Variants in VGLL4 observed in about 807,000 individuals in gnomAD.
The protein encoded by VGLL4 is transcription cofactor vestigial-like protein 4.
Under a neutral mutation model 21.0 loss-of-function variants are expected in VGLL4, and 7 were observed. The ratio of observed to expected loss-of-function variants is 0.33; its 90% confidence interval spans 0.19 to 0.63. VGLL4 has a LOEUF of 0.63. VGLL4 is among the 20% of genes least tolerant of loss of function. The pLI is 0.78. For missense variants in VGLL4, 394 were observed against 425.7 expected (o/e 0.93, Z 0.66); for synonymous variants, 222 against 173.2 (o/e 1.28, Z -2.21).
chr3:11,705,229 T>C (rs1317361408), intron 1 of VGLL4, among the ~76,000 whole-genome samples: 1 of 152,146 alleles, frequency 6.6e-6, no homozygotes, highest in Non-Finnish European at 1.5e-5. Context: ...ACGGAGTAGA[T>C]AGAGCTCGGG....
At chr3:11,614,769 G>C (rs2075130070) in intron 1 of VGLL4, among the ~76,000 whole-genome samples, 1 of 152,166 alleles carries the variant, frequency 6.6e-6, no homozygotes, top group Non-Finnish European at 1.5e-5. Flanking sequence ...TAGGGACTTG[G>C]GCACGCACAC....
At chr3:11,635,067 A>C (rs1030921260) in intron 1 of VGLL4, among the ~76,000 whole-genome samples, 2 of 152,234 alleles carry the variant, frequency 1.3e-5, no homozygotes, top group African/African-American at 4.8e-5. Flanking sequence ...AAGACTAAAA[A>C]AGACTGAACT....
intron 3 of VGLL4, 135 bp downstream of exon 3, chr3:11,564,662 A>ACCCCTCACCACCTCCC (rs1553720615): frequency 1.1e-6 from 1 of 935,864 alleles, no homozygotes; most frequent in Non-Finnish European, 1.6e-6. Context: ...GAAGGGTGGC[A>ACCCCTCACCACCTCCC]TCCCTCACCA....
At chr3:11,631,167 A>T (rs1027784150) in intron 1 of VGLL4, among the ~76,000 whole-genome samples, 4 of 152,216 alleles carry the variant, frequency 2.6e-5, no homozygotes, top group African/African-American at 9.7e-5. Context: ...CCTAATATAT[A>T]ACTGCAGAAG....
chr3:11,666,313 C>T (rs1559933456), intron 2 of VGLL4, among the ~76,000 whole-genome samples: 3 of 151,314 alleles, frequency 2.0e-5, no homozygotes, highest in Non-Finnish European at 4.4e-5. Context: ...GGCCCCGAGG[C>T]AGGAGGAGGC....
intron 1 of VGLL4, among the ~76,000 whole-genome samples, chr3:11,631,750 A>G (rs2075482942): frequency 6.6e-6 from 1 of 152,188 alleles, no homozygotes; most frequent in Admixed American, 6.5e-5. Context: ...ACAAAGCTAT[A>G]CCCTTAGGAG....
chr3:11,596,885 A>T (rs1368660955), intron 2 of VGLL4, among the ~76,000 whole-genome samples: 1 of 152,140 alleles, frequency 6.6e-6, no homozygotes, highest in Non-Finnish European at 1.5e-5. Flanking sequence ...TAACGATAAC[A>T]CCTAGCACCT....
chr3:11,644,301 A>C (rs1321097986), upstream of VGLL4, among the ~76,000 whole-genome samples: 1 of 152,152 alleles, frequency 6.6e-6, no homozygotes, highest in Non-Finnish European at 1.5e-5. Context: ...ATATATATAT[A>C]GTGTCTTTGT....
chr3:11,589,842 C>T (rs889741184), intron 2 of VGLL4, among the ~76,000 whole-genome samples: 3 of 152,180 alleles, frequency 2.0e-5, no homozygotes, highest in African/African-American at 7.2e-5. Flanking sequence ...CTAATCCTAA[C>T]AGACCAGAGC....
intron 1 of VGLL4, among the ~76,000 whole-genome samples, chr3:11,602,323 C>CA (rs1444000680): frequency 1.3e-5 from 2 of 152,106 alleles, no homozygotes; most frequent in African/African-American, 4.8e-5. Context: ...TAAACAATTT[C>CA]AAAAGTTAAT....
chr3:11,603,727 G>A (rs749979565), intron 1 of VGLL4, among the ~76,000 whole-genome samples: 2 of 152,092 alleles, frequency 1.3e-5, no homozygotes, highest in African/African-American at 4.8e-5. Context: ...AGGATGCGAG[G>A]GGATGAGGAG....
intron 3 of VGLL4, among the ~76,000 whole-genome samples, chr3:11,561,831 G>A (rs1334921219): frequency 6.6e-6 from 1 of 151,838 alleles, no homozygotes; most frequent in Non-Finnish European, 1.5e-5. Flanking sequence ...CTGCCCCGGG[G>A]GAGAGGGCTC....
intron 2 of VGLL4, among the ~76,000 whole-genome samples, chr3:11,700,990 C>T (rs941280192): frequency 6.6e-6 from 1 of 152,046 alleles, no homozygotes; most frequent in Non-Finnish European, 1.5e-5. Context: ...TTGAAAAAAC[C>T]TTACTAGATA....
Position 11,650,182 on chromosome 3 carries a change from G to A in VGLL4, c.65-48160C>T, listed in dbSNP as rs533177094. Among the ~76,000 whole-genome samples the A allele has an allele frequency of 8.1e-4, 123 of 152,100 alleles. 1 individual carries two copies. Among genetic ancestry groups the A allele is most frequent in the South Asian group, 7.1e-3 (34 of 4,798 alleles). On this transcript the variant is annotated intron_variant, in intron 2 of 5. Coordinates refer to the VGLL4 transcript ENST00000273038. ...ACTCCTGGCCTTAAGCCATCCACCC[G>A]CCTCGGTCTCCCAAAGTGCTGGGAT...
chr3:11,692,586 G>A (rs1463911969), intron 2 of VGLL4, among the ~76,000 whole-genome samples: 1 of 152,164 alleles, frequency 6.6e-6, no homozygotes, highest in Non-Finnish European at 1.5e-5. Context: ...CAGAGGAGGA[G>A]CGCTCCCCTG....
At chr3:11,695,174 C>T (rs894791307) in intron 2 of VGLL4, among the ~76,000 whole-genome samples, 8 of 151,908 alleles carry the variant, frequency 5.3e-5, no homozygotes, top group South Asian at 2.1e-4. Context: ...CTCAGCCTCC[C>T]GAGTAGCTGG....
At chr3:11,712,324 A>G (rs886690131) in intron 1 of VGLL4, among the ~76,000 whole-genome samples, 1 of 152,232 alleles carries the variant, frequency 6.6e-6, no homozygotes, top group Non-Finnish European at 1.5e-5. Flanking sequence ...AGAAAAAAGT[A>G]AAAAACATTG....
At chr3:11,608,135 T>C (rs2043576) in intron 1 of VGLL4, among the ~76,000 whole-genome samples, 76,694 of 152,098 alleles carry the variant, frequency 0.5, 22,126 homozygotes, top group Non-Finnish European at 0.68. Flanking sequence ...GAAAAGATTA[T>C]CTTTCTTTTT....
At chr3:11,683,531 T>C (rs1559943002) in intron 2 of VGLL4, among the ~76,000 whole-genome samples, 1 of 152,182 alleles carries the variant, frequency 6.6e-6, no homozygotes, top group Non-Finnish European at 1.5e-5. Flanking sequence ...CTGAATCAAC[T>C]TCAGTGCTCA....
Sources: gnomAD v4.1 joint callset for allele counts (sites outside exome capture counted in the v4.1 genomes callset) on GRCh38, gnomAD v4.1.1 for gene constraint, MANE v1.5 for transcripts, NCBI Gene and HGNC (gene_info 2026-07-23, HGNC 2026-07-21) for gene names.